The following BANK1 variants were observed in gnomAD, a reference collection of about 807,000 sequenced individuals.
BANK1 encodes B-cell scaffold protein with ankyrin repeats.
In BANK1, 95 loss-of-function variants were observed where a neutral mutation model predicts 94.5. That is an observed-to-expected ratio of 1.00 (90% CI 0.85 to 1.19). BANK1 has a LOEUF of 1.19. Ranked by LOEUF, BANK1 falls within the 50% of genes most tolerant of loss-of-function variation. The pLI, the probability that BANK1 is intolerant of heterozygous loss-of-function variation, is 0.00. For synonymous variants in BANK1, 334 were observed against 308.4 expected (o/e 1.08, Z -0.87); for missense variants, 987 against 932.2 (o/e 1.06, Z -0.77).
At chr4:101,970,168 T>C (rs1373459355) in intron 7 of BANK1, among the ~76,000 whole-genome samples, 1 of 152,150 alleles carries the variant, frequency 6.6e-6, no homozygotes, top group Non-Finnish European at 1.5e-5. Flanking sequence ...GAATTCCTTC[T>C]GCGTGTCAGG....
chr4:102,043,998 G>A (rs1727790673), intron 11 of BANK1, 91 bp downstream of exon 11: 1 of 654,664 alleles, frequency 1.5e-6, no homozygotes, highest in Admixed American at 2.5e-5. Context: ...TAGGACAGAA[G>A]TATGTAATTG....
intron 6 of BANK1, among the ~76,000 whole-genome samples, chr4:101,916,193 T>C (rs910305410): frequency 6.6e-6 from 1 of 152,022 alleles, no homozygotes; most frequent in Non-Finnish European, 1.5e-5. Flanking sequence ...TTTCATTTCA[T>C]AAATTAGGAA....
intron 11 of BANK1, among the ~76,000 whole-genome samples, chr4:102,054,939 T>C (rs1235796601): frequency 2.6e-5 from 4 of 152,118 alleles, no homozygotes; most frequent in Non-Finnish European, 4.4e-5. Context: ...TCATCTTTCT[T>C]GCACCTGCTT....
chr4:102,069,564 T>TAG (rs1728692970), intron 13 of BANK1, among the ~76,000 whole-genome samples: 1 of 152,204 alleles, frequency 6.6e-6, no homozygotes, highest in African/African-American at 2.4e-5. Flanking sequence ...AATATGCACT[T>TAG]ACCATATGAC....
intron 7 of BANK1, among the ~76,000 whole-genome samples, chr4:101,930,277 G>A (rs1723295983): frequency 6.6e-6 from 1 of 150,954 alleles, no homozygotes; most frequent in Admixed American, 6.6e-5. Context: ...GTGTTTATGT[G>A]TGTATATATG....
In BANK1 at chr4:101,825,258, A is replaced by G. The variant is rs564397968; in HGVS notation, c.71-4550A>G. 4.4e-4 allele frequency among the ~76,000 whole-genome samples: 67 copies of G among 152,260 alleles called. 1 individual carries two copies. In the South Asian group the frequency reaches 0.012, roughly 27 times the overall value. On this transcript the variant is annotated intron_variant, in intron 1 of 16. Coordinates refer to ENST00000322953, the MANE Select transcript of BANK1 (RefSeq NM_017935.5). ...TTATTGTTTCATTGCAAAGCCTATAATGACAGTAACCCTCCTTAAATGGGG... is the reference window on the plus strand; with the variant it reads ...TTATTGTTTCATTGCAAAGCCTATAGTGACAGTAACCCTCCTTAAATGGGG...
chr4:101,822,832 G>A (rs570404114), intron 1 of BANK1, among the ~76,000 whole-genome samples: 23 of 152,078 alleles, frequency 1.5e-4, no homozygotes, highest in African/African-American at 5.5e-4. Flanking sequence ...AGCCAGGCTG[G>A]TCTCAATCTC....
At chr4:101,881,659 G>A (rs1728681076) in intron 5 of BANK1, among the ~76,000 whole-genome samples, 1 of 152,128 alleles carries the variant, frequency 6.6e-6, no homozygotes. Flanking sequence ...AAATTTGGAA[G>A]CAACCTAAGT....
rs762769161 is a variant in BANK1, at chr4:102,063,055, C to T, written c.2149-20C>T. 10 of 1,606,446 alleles carry T rather than the reference C, an allele frequency of 6.2e-6. No individual in the cohort carries two copies. Among genetic ancestry groups the T allele is most frequent in the Non-Finnish European group, 7.7e-6 (9 of 1,173,850 alleles). ...AAAATTTGAAAATCATAACTATGTC[C>T]TGGTTGTTTCCACATTAAGGAGAAA... On this transcript the variant is annotated intron_variant, in intron 12 of 16. Coordinates refer to ENST00000322953, the MANE Select transcript of BANK1 (RefSeq NM_017935.5).
chr4:101,831,557 C>G (rs1012266318), intron 2 of BANK1, among the ~76,000 whole-genome samples: 14 of 152,260 alleles, frequency 9.2e-5, no homozygotes, highest in Non-Finnish European at 1.9e-4. Flanking sequence ...TCATGGCAAC[C>G]TCTGCCTCCC....
At chr4:101,798,340 C>CA (rs2148849176) in intron 1 of BANK1, among the ~76,000 whole-genome samples, 1 of 152,244 alleles carries the variant, frequency 6.6e-6, no homozygotes, top group African/African-American at 2.4e-5. Flanking sequence ...AGATCAGTGT[C>CA]ACGGCAGCAA....
intron 5 of BANK1, among the ~76,000 whole-genome samples, chr4:101,890,513 T>C (rs1403878976): frequency 6.6e-6 from 1 of 150,456 alleles, no homozygotes; most frequent in Non-Finnish European, 1.5e-5. Flanking sequence ...ATGCTATATC[T>C]GTTTTATTCT....
At chr4:101,981,151 T>G (rs1447130045) in intron 7 of BANK1, among the ~76,000 whole-genome samples, 1 of 152,122 alleles carries the variant, frequency 6.6e-6, no homozygotes, top group Non-Finnish European at 1.5e-5. Flanking sequence ...GTTTCCAACT[T>G]TAGTGAAAAT....
At chr4:102,008,937 G>A (rs1297810642) in intron 7 of BANK1, among the ~76,000 whole-genome samples, 2 of 152,148 alleles carry the variant, frequency 1.3e-5, no homozygotes, top group African/African-American at 4.8e-5. Context: ...AAACGAACAG[G>A]GAAGCCTGAA....
At chr4:102,042,901 A>T (rs968900480) in intron 10 of BANK1, among the ~76,000 whole-genome samples, 1 of 152,044 alleles carries the variant, frequency 6.6e-6, no homozygotes, top group Non-Finnish European at 1.5e-5. Context: ...ACCACGCAAT[A>T]GATTGAAGTT....
intron 12 of BANK1, among the ~76,000 whole-genome samples, chr4:102,060,731 G>A (rs952942771): frequency 6.6e-6 from 1 of 152,142 alleles, no homozygotes; most frequent in Non-Finnish European, 1.5e-5. Flanking sequence ...GGCTTAAAAG[G>A]AAAGGGGAGT....
intron 7 of BANK1, among the ~76,000 whole-genome samples, chr4:101,987,926 C>CAAGAT (rs1407925276): frequency 6.6e-6 from 1 of 152,174 alleles, no homozygotes; most frequent in African/African-American, 2.4e-5. Context: ...AAAGCCAGTG[C>CAAGAT]AAGATTCTCC....
chr4:102,052,949 A>G (rs1324622206), intron 11 of BANK1, among the ~76,000 whole-genome samples: 1 of 152,206 alleles, frequency 6.6e-6, no homozygotes, highest in Non-Finnish European at 1.5e-5. Flanking sequence ...CGACATGAAG[A>G]AAAGGTATTG....
chr4:101,790,924 C>A lies in BANK1; in HGVS notation c.44C>A (p.Pro15His). 1 of 1,532,256 alleles carries A rather than the reference C, an allele frequency of 6.5e-7. No individual in the cohort carries two copies. The highest frequency in any genetic ancestry group is 2.4e-5 in the East Asian group (1 of 40,884). 94.9% of individuals were successfully genotyped at this position (1,532,256 alleles called of 1,614,324 possible). Residue 15 changes from proline (P) to histidine (H), a missense_variant, in exon 1 of 17, where the codon CCC becomes CAC. Coordinates refer to ENST00000322953, the MANE Select transcript of BANK1 (RefSeq NM_017935.5). ...GGCAAGGGGCTTGGGAGCCCGGACC[C>A]CGCCCCCTGCGGCCCAGCGCCCCCA... ...APGKGLGSPD[P>H]APCGPAPPGN... is the part of the protein sequence containing the mutation.
Sources: gnomAD v4.1 joint callset for allele counts (sites outside exome capture counted in the v4.1 genomes callset) on GRCh38, gnomAD v4.1.1 for gene constraint, MANE v1.5 for transcripts, NCBI Gene and HGNC (gene_info 2026-07-23, HGNC 2026-07-21) for gene names.